The following PBRM1 variants were observed in gnomAD, a reference collection of about 807,000 sequenced individuals.
The protein encoded by PBRM1 is protein polybromo-1.
PBRM1 carries 27 observed loss-of-function variants against 194.5 expected under a neutral mutation model. The ratio of observed to expected loss-of-function variants is 0.14; its 90% CI spans 0.10 to 0.19. PBRM1 has a LOEUF of 0.19. Ranked by LOEUF, PBRM1 falls within the 10% of genes least tolerant of loss-of-function variation. The pLI is 1.00. For missense variants in PBRM1, 1,466 were observed against 2,077.2 expected, an observed-to-expected ratio of 0.71 and a Z score of 5.72; for synonymous variants, 655 against 693.2, an observed-to-expected ratio of 0.94 and a Z score of 0.87.
At chr3:52,662,036 A>C (rs2096736040) in intron 4 of PBRM1, 97 bp downstream of exon 5, 1 of 1,225,162 alleles carries the variant, frequency 8.2e-7, no homozygotes, top group African/African-American at 1.5e-5. Context: ...TTGCACAGGA[A>C]TTCTAGTTGC....
In PBRM1 at chr3:52,678,481, T is replaced by C; in HGVS notation, c.236+19A>G. 2 of 1,518,428 alleles carry C rather than the reference T, an allele frequency of 1.3e-6. No individual in the cohort carries two copies. The highest frequency in any genetic ancestry group is 1.8e-6 in the Non-Finnish European group (2 of 1,092,588). 94.1% of individuals were successfully genotyped at this position (1,518,428 alleles called of 1,614,324 possible). A position where few individuals can be genotyped will look rare whatever the true frequency, so the allele number is the denominator to read the frequency against. ...TGGACCAAATCCCCCGCAACTGTAC[T>C]GATGTGCTTCGAACTCACCTTCGCT... On this transcript the variant is annotated intron_variant, in intron 2 of 29. Coordinates refer to ENST00000296302, the Ensembl canonical transcript of PBRM1.
At chr3:52,639,697 T>C (rs1255567026) in intron 10 of PBRM1, among the ~76,000 whole-genome samples, 1 of 152,010 alleles carries the variant, frequency 6.6e-6, no homozygotes, top group Non-Finnish European at 1.5e-5. Context: ...ACGCCACTGC[T>C]CCAGCCTGGG....
intron 16 of PBRM1, among the ~76,000 whole-genome samples, chr3:52,606,942 G>A (rs1013246666): frequency 1.3e-5 from 2 of 152,186 alleles, no homozygotes; most frequent in Non-Finnish European, 2.9e-5. Flanking sequence ...ACGTCTCACT[G>A]TTCAGATTCC....
rs2094489889 is a variant in PBRM1 at position 52,609,112 on chromosome 3, G to T, written c.2567+201C>A. 2.0e-6 allele frequency: 1 copy of T among 499,980 alleles called. No individual in the cohort carries two copies. 31.0% of individuals were successfully genotyped at this position (499,980 alleles called of 1,614,324 possible). ...CTTCCTCCTCACTGGCCTTAAACTAGATGACTTAGTGGTGTGCCTTCTCTC... is the reference window on the plus strand; with the variant it reads ...CTTCCTCCTCACTGGCCTTAAACTATATGACTTAGTGGTGTGCCTTCTCTC... On this transcript the variant is annotated intron_variant, in intron 16 of 29. Transcript: ENST00000296302. The surrounding 1 kb of genome is among the most constrained non-coding windows in gnomAD (Gnocchi z 4.1).
intron 3 of PBRM1, 151 bp downstream of exon 4, chr3:52,668,347 G>GA (rs1220256377): frequency 1.8e-6 from 1 of 564,360 alleles, no homozygotes; most frequent in African/African-American, 2.0e-5. Context: ...AAAATCATAT[G>GA]AATGTCCAGT....
intron 2 of PBRM1, 95 bp downstream of exon 3, chr3:52,678,405 T>C (rs2154055991): frequency 1.3e-6 from 1 of 764,368 alleles, no homozygotes; most frequent in South Asian, 1.6e-5. Context: ...ATTTAAGCCA[T>C]TCCTGCCAAC....
chr3:52,559,661 C>A (rs2082998081), intron 25 of PBRM1, among the ~76,000 whole-genome samples: 1 of 152,034 alleles, frequency 6.6e-6, no homozygotes, highest in Non-Finnish European at 1.5e-5. Context: ...TACAGAGAAT[C>A]AAGAAGCTAC....
intron 21 of PBRM1, among the ~76,000 whole-genome samples, chr3:52,578,235 C>T (rs1257484264): frequency 2.0e-5 from 3 of 152,266 alleles, no homozygotes; most frequent in South Asian, 4.1e-4. Flanking sequence ...TTCTACGGCA[C>T]GTATCATGAC....
intron 16 of PBRM1, among the ~76,000 whole-genome samples, chr3:52,608,802 T>C (rs1576638390): frequency 1.3e-5 from 2 of 152,048 alleles, no homozygotes; most frequent in Admixed American, 6.5e-5. Flanking sequence ...TTGCTTCTTT[T>C]AGAACATTTA....
chr3:52,623,960 T>A (rs569388229), intron 13 of PBRM1, among the ~76,000 whole-genome samples: 1 of 152,230 alleles, frequency 6.6e-6, no homozygotes. Flanking sequence ...AAAACTTTTC[T>A]TTAGGAAAAT....
intron 21 of PBRM1, among the ~76,000 whole-genome samples, chr3:52,577,553 G>A (rs1443429419): frequency 6.6e-6 from 1 of 151,186 alleles, no homozygotes; most frequent in African/African-American, 2.4e-5. Context: ...ATATTATCGT[G>A]ATTCCTGACC....
intron 13 of PBRM1, among the ~76,000 whole-genome samples, chr3:52,619,209 AAAAAAATATTTACTAAGGTCCT>A (rs1302100125): frequency 6.6e-6 from 1 of 152,160 alleles, no homozygotes; most frequent in Non-Finnish European, 1.5e-5. Flanking sequence ...AATTTCTATT[AAAAAAATATTTACTAAGGTCCT>A]ATAGTATAGT....
intron 5 of PBRM1, among the ~76,000 whole-genome samples, chr3:52,654,320 A>T (rs1223520123): frequency 6.6e-6 from 1 of 152,148 alleles, no homozygotes; most frequent in Non-Finnish European, 1.5e-5. Context: ...TCCTTCCTTT[A>T]CTTGGATGAA....
At chr3:52,626,598 G>A (rs571368892) in intron 13 of PBRM1, among the ~76,000 whole-genome samples, 1 of 152,320 alleles carries the variant, frequency 6.6e-6, no homozygotes, top group South Asian at 2.1e-4. Flanking sequence ...TCAGGCGAGA[G>A]AAACTTTGTG....
chr3:52,595,489 T>C (rs1576387643), intron 17 of PBRM1, among the ~76,000 whole-genome samples: 1 of 152,246 alleles, frequency 6.6e-6, no homozygotes, highest in African/African-American at 2.4e-5. Context: ...TTTTGGGAAA[T>C]GTATATTCAG....
intron 17 of PBRM1, among the ~76,000 whole-genome samples, chr3:52,596,240 C>T (rs879486494): frequency 2.0e-5 from 3 of 151,564 alleles, no homozygotes; most frequent in Non-Finnish European, 4.4e-5. Context: ...GAGATCAAGA[C>T]CATCCTGGCC....
At chr3:52,554,989 T>C (rs981113557) in intron 26 of PBRM1, 110 bp from the exon 29 acceptor site, 3 of 766,584 alleles carry the variant, frequency 3.9e-6, no homozygotes, top group Non-Finnish European at 4.2e-6. Flanking sequence ...CCCTTAGTAC[T>C]GCATGATATA....
chr3:52,593,729 T>C (rs1332897834), intron 17 of PBRM1, among the ~76,000 whole-genome samples: 2 of 152,322 alleles, frequency 1.3e-5, no homozygotes, highest in Non-Finnish European at 1.5e-5. Context: ...TTCCATATAA[T>C]TGTATGGTTT....
chr3:52,648,571 GAAC>G, intron 6 of PBRM1, 129 bp from the exon 8 acceptor site: 1 of 476,884 alleles, frequency 2.1e-6, no homozygotes, highest in Non-Finnish European at 3.7e-6. Context: ...GTACACATAT[GAAC>G]AACATGTAAA....
Sources: gnomAD v4.1 joint callset for allele counts (sites outside exome capture counted in the v4.1 genomes callset) on GRCh38, gnomAD v4.1.1 for gene constraint, Gnocchi (gnomAD v3.1) non-coding constraint, MANE v1.5 for transcripts, NCBI Gene and HGNC (gene_info 2026-07-23, HGNC 2026-07-21) for gene names.